The following ZBTB20 variants were observed in gnomAD, a reference collection of about 807,000 sequenced individuals.
ZBTB20 encodes the protein zinc finger and BTB domain containing 20.
In ZBTB20, 9 loss-of-function variants were observed where a neutral mutation model predicts 56.9. The observed-to-expected ratio is 0.16, with a 90% CI of 0.10 to 0.28. The LOEUF (loss-of-function observed/expected upper bound fraction) is 0.28, where lower values mean the gene tolerates loss of function less well. ZBTB20 is among the 10% of genes least tolerant of loss of function. The pLI, the probability that ZBTB20 is intolerant of heterozygous loss-of-function variation, is 1.00. For missense variants in ZBTB20, 655 were observed against 1,003.0 expected (o/e 0.65, Z 4.69); for synonymous variants, 417 against 420.7 (o/e 0.99, Z 0.11).
At chr3:114,628,252 T>C (rs1165148212) in intron 6 of ZBTB20, among the ~76,000 whole-genome samples, 1 of 152,194 alleles carries the variant, frequency 6.6e-6, no homozygotes, top group Non-Finnish European at 1.5e-5. Context: ...CTTTTTTTAT[T>C]TGATGCTAGA....
At chr3:115,104,212 C>T (rs1010961571) in intron 1 of ZBTB20, among the ~76,000 whole-genome samples, 12 of 152,078 alleles carry the variant, frequency 7.9e-5, no homozygotes, top group Non-Finnish European at 1.2e-4. Flanking sequence ...AATGATGATG[C>T]GGATGTGGAG....
intron 3 of ZBTB20, among the ~76,000 whole-genome samples, chr3:114,926,934 G>A (rs868508388): frequency 6.6e-5 from 10 of 152,118 alleles, no homozygotes; most frequent in Middle Eastern, 3.4e-3. Context: ...GTAGACATAC[G>A]GTCTCACTAT....
chr3:115,016,692 C>T (rs926768990), intron 2 of ZBTB20, among the ~76,000 whole-genome samples: 23 of 151,786 alleles, frequency 1.5e-4, no homozygotes, highest in Non-Finnish European at 2.7e-4. Flanking sequence ...GTACCAGTGC[C>T]ATGCTGTTTT....
At chr3:114,446,210 T>C (rs1424114799) in intron 7 of ZBTB20, among the ~76,000 whole-genome samples, 2 of 152,124 alleles carry the variant, frequency 1.3e-5, no homozygotes, top group South Asian at 2.1e-4. Context: ...ATAAAATATA[T>C]AGTTGTTTAT....
At chr3:115,065,383 G>C (rs1473408851) in intron 2 of ZBTB20, among the ~76,000 whole-genome samples, 4 of 152,054 alleles carry the variant, frequency 2.6e-5, no homozygotes, top group African/African-American at 9.7e-5. Flanking sequence ...GAACTGTCTT[G>C]TTTCTCATTG....
chr3:115,003,690 C>A, intron 2 of ZBTB20, among the ~76,000 whole-genome samples: 1 of 151,282 alleles, frequency 6.6e-6, no homozygotes, highest in Non-Finnish European at 1.5e-5. Flanking sequence ...AACAAAACAA[C>A]AACAAAAACA....
chr3:114,503,137 C>T (rs1420124116), intron 6 of ZBTB20, among the ~76,000 whole-genome samples: 1 of 152,122 alleles, frequency 6.6e-6, no homozygotes, highest in East Asian at 1.9e-4. Flanking sequence ...CATCCAATGT[C>T]TGGAATGAAA....
chr3:115,132,856 G>A (rs2084546412), intron 1 of ZBTB20, among the ~76,000 whole-genome samples: 1 of 151,884 alleles, frequency 6.6e-6, no homozygotes, highest in South Asian at 2.1e-4. Context: ...ATTTGATGAT[G>A]TAATAAATTA....
chr3:114,787,118 G>A (rs181306021), intron 5 of ZBTB20, among the ~76,000 whole-genome samples: 2 of 151,658 alleles, frequency 1.3e-5, no homozygotes, highest in African/African-American at 4.8e-5. Context: ...GGAACCACAG[G>A]TGCACATCAC....
chr3:114,508,832 T>G (rs2044973406), intron 6 of ZBTB20, among the ~76,000 whole-genome samples: 5 of 152,170 alleles, frequency 3.3e-5, no homozygotes. Flanking sequence ...AGGATATTGT[T>G]CTAGTCTTCA....
chr3:115,092,196 C>G (rs2083223168), intron 1 of ZBTB20, among the ~76,000 whole-genome samples: 2 of 152,102 alleles, frequency 1.3e-5, no homozygotes, highest in Non-Finnish European at 2.9e-5. Flanking sequence ...TTTGGTACAG[C>G]TACTACGAAA....
At chr3:115,038,857 TAA>T (rs1330632630) in intron 2 of ZBTB20, among the ~76,000 whole-genome samples, 1 of 152,178 alleles carries the variant, frequency 6.6e-6, no homozygotes, top group African/African-American at 2.4e-5. Flanking sequence ...TTTAACATTT[TAA>T]AATAATATTT....
intron 4 of ZBTB20, among the ~76,000 whole-genome samples, chr3:114,862,056 A>G (rs1052477572): frequency 2.0e-5 from 3 of 152,242 alleles, no homozygotes; most frequent in African/African-American, 7.2e-5. Context: ...AATGTGGCAT[A>G]CAACTTTAAA....
At chr3:114,684,036 T>C (rs943881414) in intron 6 of ZBTB20, among the ~76,000 whole-genome samples, 16 of 152,152 alleles carry the variant, frequency 1.1e-4, no homozygotes, top group African/African-American at 3.9e-4. Context: ...TCCAAACAAG[T>C]TGTCTCCTCT....
intron 3 of ZBTB20, among the ~76,000 whole-genome samples, chr3:114,952,050 G>T (rs1369871524): frequency 6.6e-6 from 1 of 152,036 alleles, no homozygotes; most frequent in Admixed American, 6.6e-5. Flanking sequence ...AAGAAAAAAA[G>T]TGGCTCAGAA....
intron 4 of ZBTB20, among the ~76,000 whole-genome samples, chr3:114,872,653 G>A (rs1434016301): frequency 2.0e-5 from 3 of 150,782 alleles, no homozygotes; most frequent in East Asian, 3.9e-4. Context: ...AAAAAAAAAA[G>A]GACTGACTAT....
rs376509506 is a variant in ZBTB20 at position 114,799,421 on chromosome 3, A to G, written c.-343+1680T>C. Among the ~76,000 whole-genome samples the G allele has an allele frequency of 7.2e-5, 11 of 152,020 alleles. No individual in the cohort carries two copies. In the South Asian group the frequency reaches 1.0e-3, roughly 14 times the overall value. On this transcript the variant is annotated intron_variant, in intron 5 of 11. Coordinates refer to ENST00000675478, the MANE Select transcript of ZBTB20 (RefSeq NM_001348800.3). ...GGCTGGGAGATGGATACCTCGTATG[A>G]TATGATAAGCAGAAAGGTTGTGTTT...
chr3:114,326,936 T>C lies in ZBTB20; in HGVS notation c.*12069A>G, dbSNP rs548330587. ...TCTGTAAAATAAGATGCAGACTTTCTGAAATGCATTGTATGTGTGTGTGTT... is the reference window on the plus strand; with the variant it reads ...TCTGTAAAATAAGATGCAGACTTTCCGAAATGCATTGTATGTGTGTGTGTT... On this transcript the variant is annotated 3_prime_UTR_variant, in exon 12 of 12. Coordinates refer to ENST00000675478, the MANE Select transcript of ZBTB20 (RefSeq NM_001348800.3). The C allele has an allele frequency of 6.6e-6, 1 of 152,300 alleles. No homozygotes were observed. Among genetic ancestry groups the C allele is most frequent in the African/African-American group, 2.4e-5 (1 of 41,572 alleles). The allele number at this position is 152,300 out of a possible 1,614,324, so 9.4% of individuals were successfully genotyped here.
At chr3:114,826,701 GTT>G (rs983221499) in intron 4 of ZBTB20, among the ~76,000 whole-genome samples, 1 of 151,648 alleles carries the variant, frequency 6.6e-6, no homozygotes, top group Non-Finnish European at 1.5e-5. Context: ...AAAGCATTAT[GTT>G]TTTTACTTCA....
Sources: allele counts gnomAD v4.1 joint callset (sites outside exome capture counted in the v4.1 genomes callset), GRCh38; gene constraint gnomAD v4.1.1; transcripts MANE v1.5; gene names NCBI Gene and HGNC (gene_info 2026-07-23, HGNC 2026-07-21).